Variants in ARHGAP12 observed in about 807,000 individuals in gnomAD.
ARHGAP12 encodes the protein rho GTPase-activating protein 12.
A neutral mutation model predicts 108.6 loss-of-function variants in ARHGAP12; 64 were observed. The observed-to-expected ratio is 0.59, with a 90% CI of 0.48 to 0.73. The LOEUF is 0.73. Among genes scored for constraint, ARHGAP12 ranks in the 30% least tolerant of loss-of-function variants. The pLI is 0.00. For missense variants in ARHGAP12, 940 were observed against 1,005.9 expected (o/e 0.93, Z 0.89); for synonymous variants, 312 against 337.2 (o/e 0.93, Z 0.82).
At chr10:31,856,682 C>T (rs751775755) in intron 4 of ARHGAP12, among the ~76,000 whole-genome samples, 10 of 152,106 alleles carry the variant, frequency 6.6e-5, no homozygotes, top group Non-Finnish European at 1.3e-4. Context: ...TGAAGGAACC[C>T]ACCTTCAACC....
chr10:31,912,874 GA>G (rs1366925368), intron 1 of ARHGAP12, among the ~76,000 whole-genome samples: 1 of 152,038 alleles, frequency 6.6e-6, no homozygotes, highest in Non-Finnish European at 1.5e-5. Context: ...AAAAATGAAA[GA>G]AAAAAACTTA....
chr10:31,882,820 GAAAA>G (rs60532023), intron 3 of ARHGAP12, among the ~76,000 whole-genome samples: 25 of 130,262 alleles, frequency 1.9e-4, no homozygotes, highest in African/African-American at 5.1e-4. Flanking sequence ...CTCTTAAAAA[GAAAA>G]AAAAAAAAAA....
chr10:31,875,586 T>A (rs936246592), intron 3 of ARHGAP12, among the ~76,000 whole-genome samples: 1 of 152,218 alleles, frequency 6.6e-6, no homozygotes, highest in African/African-American at 2.4e-5. Flanking sequence ...CCTCTTTAAA[T>A]GAACAATTCA....
chr10:31,836,568 G>A (rs893102171), intron 9 of ARHGAP12, among the ~76,000 whole-genome samples: 2 of 103,334 alleles, frequency 1.9e-5, no homozygotes, highest in Non-Finnish European at 3.8e-5. Flanking sequence ...CAATCTGCAG[G>A]GATTTTTAAG....
chr10:31,898,154 T>C (rs1838781303), intron 3 of ARHGAP12, among the ~76,000 whole-genome samples: 1 of 152,034 alleles, frequency 6.6e-6, no homozygotes, highest in Non-Finnish European at 1.5e-5. Flanking sequence ...GGGGAGAAAA[T>C]ATTTGCAAAT....
chr10:31,904,855 G>C (rs1229917950), intron 3 of ARHGAP12, among the ~76,000 whole-genome samples: 1 of 152,032 alleles, frequency 6.6e-6, no homozygotes, highest in African/African-American at 2.4e-5. Flanking sequence ...TTGAACTCCT[G>C]GGCCCAGGTG....
At chr10:31,856,414 G>C (rs914799029) in intron 4 of ARHGAP12, among the ~76,000 whole-genome samples, 1 of 152,084 alleles carries the variant, frequency 6.6e-6, no homozygotes, top group Non-Finnish European at 1.5e-5. Flanking sequence ...ACAATACAGA[G>C]CTGGAAACGC....
At chr10:31,856,042 G>T (rs1836873975) in intron 4 of ARHGAP12, among the ~76,000 whole-genome samples, 2 of 151,982 alleles carry the variant, frequency 1.3e-5, no homozygotes, top group Middle Eastern at 3.2e-3. Flanking sequence ...AGTAACTTTG[G>T]GATGTATTCT....
At position 31,854,365 on chromosome 10, in the gene ARHGAP12, G is replaced by C. The variant is rs368482664; in HGVS notation, c.949-159C>G. The stretch of plus-strand genomic sequence containing the variant: ...AAATAAATTGATAAGTCTTTAAATG[G>C]TACATTGTAAGAGGTGAGGTAAAAT... On this transcript the variant is annotated intron_variant, in intron 4 of 19. Transcript: ENST00000344936. Among the ~76,000 whole-genome samples, 597 of 152,168 alleles carry C rather than the reference G, an allele frequency of 3.9e-3. 8 individuals carry two copies. The highest frequency in any genetic ancestry group is 0.014 in the African/African-American group (569 of 41,516).
At chr10:31,926,551 T>C (rs1334670116) in intron 1 of ARHGAP12, among the ~76,000 whole-genome samples, 1 of 152,260 alleles carries the variant, frequency 6.6e-6, no homozygotes, top group Non-Finnish European at 1.5e-5. Flanking sequence ...TGATTTATTG[T>C]AAAACTGTGA....
intron 12 of ARHGAP12, 77 bp from the exon 13 acceptor site, chr10:31,817,963 A>G: frequency 1.9e-6 from 2 of 1,032,926 alleles, no homozygotes; most frequent in Non-Finnish European, 2.9e-6. Context: ...CCTTTAATTC[A>G]AAGTTAACAA....
At chr10:31,836,850 G>A (rs1836039873) in intron 9 of ARHGAP12, among the ~76,000 whole-genome samples, 1 of 152,122 alleles carries the variant, frequency 6.6e-6, no homozygotes, top group Non-Finnish European at 1.5e-5. Flanking sequence ...AGCATGGATG[G>A]AGCATTCAGG....
chr10:31,894,858 GC>G (rs1249276386), intron 3 of ARHGAP12, among the ~76,000 whole-genome samples: 5 of 152,130 alleles, frequency 3.3e-5, no homozygotes, highest in Non-Finnish European at 5.9e-5. Context: ...ATACTACAAG[GC>G]TACAGTAACC....
chr10:31,834,539 T>TCA (rs1356606499), intron 9 of ARHGAP12, among the ~76,000 whole-genome samples: 1 of 152,196 alleles, frequency 6.6e-6, no homozygotes, highest in Non-Finnish European at 1.5e-5. Context: ...TATAAGCCAC[T>TCA]CAGTTTATAT....
intron 3 of ARHGAP12, among the ~76,000 whole-genome samples, chr10:31,869,382 C>A (rs576760920): frequency 2.0e-5 from 3 of 152,148 alleles, no homozygotes; most frequent in Non-Finnish European, 2.9e-5. Flanking sequence ...ACTAAAAATG[C>A]AAATATTAGC....
intron 3 of ARHGAP12, among the ~76,000 whole-genome samples, chr10:31,877,314 A>G (rs1432792837): frequency 1.3e-5 from 2 of 152,242 alleles, no homozygotes; most frequent in Non-Finnish European, 2.9e-5. Context: ...ATACACTAAC[A>G]TAAAAACTAC....
At chr10:31,876,378 G>A (rs1837732310) in intron 3 of ARHGAP12, among the ~76,000 whole-genome samples, 1 of 152,038 alleles carries the variant, frequency 6.6e-6, no homozygotes, top group South Asian at 2.1e-4. Flanking sequence ...AATTAGCTGG[G>A]TGTGGTGGCA....
At chr10:31,833,476 C>T (rs754072785) in intron 9 of ARHGAP12, among the ~76,000 whole-genome samples, 4 of 152,044 alleles carry the variant, frequency 2.6e-5, no homozygotes, top group Admixed American at 6.6e-5. Flanking sequence ...CCCAAATCAA[C>T]GGATAGACTG....
intron 3 of ARHGAP12, among the ~76,000 whole-genome samples, chr10:31,873,437 A>G (rs1270177926): frequency 6.6e-6 from 1 of 152,244 alleles, no homozygotes; most frequent in Non-Finnish European, 1.5e-5. Flanking sequence ...AACTTATAAT[A>G]AATAATTAAA....
Sources: allele counts gnomAD v4.1 joint callset (sites outside exome capture counted in the v4.1 genomes callset), GRCh38; gene constraint gnomAD v4.1.1; transcripts MANE v1.5; gene names NCBI Gene and HGNC (gene_info 2026-07-23, HGNC 2026-07-21).